PMS1: variants seen among roughly 807,000 people sequenced by gnomAD.
PMS1 encodes the protein PMS1 homolog 1, mismatch repair system component.
Under a neutral mutation model 93.1 loss-of-function variants are expected in PMS1, and 79 were observed. The observed-to-expected ratio is 0.85, with a 90% CI of 0.71 to 1.02. PMS1 has a LOEUF of 1.02. Among genes scored for constraint, PMS1 ranks in the 50% least tolerant of loss-of-function variants. PMS1 has a pLI of 0.00. For synonymous variants in PMS1, 335 were observed against 363.4 expected (o/e 0.92, Z 0.89); for missense variants, 1,064 against 1,085.3 (o/e 0.98, Z 0.28).
At chr2:189,806,393 AT>A in intron 4 of PMS1, 1 of 302,106 alleles carries the variant, frequency 3.3e-6, no homozygotes, top group Non-Finnish European at 6.4e-6. Flanking sequence ...TATGTTTTTT[AT>A]TTTATTTTAT....
chr2:189,829,435 T>C (rs1307690463), intron 5 of PMS1, among the ~76,000 whole-genome samples: 1 of 152,180 alleles, frequency 6.6e-6, no homozygotes, highest in African/African-American at 2.4e-5. Flanking sequence ...CTACTGCTTT[T>C]TAACTGTTTC....
intron 7 of PMS1, 106 bp downstream of exon 7, chr2:189,852,883 T>G (rs529134444): frequency 2.7e-6 from 2 of 749,608 alleles, no homozygotes; most frequent in African/African-American, 3.5e-5. Context: ...AGAAATACAA[T>G]GTCATTTATT....
chr2:189,796,676 C>T (rs1017016682), intron 3 of PMS1, among the ~76,000 whole-genome samples: 1 of 152,170 alleles, frequency 6.6e-6, no homozygotes, highest in East Asian at 1.9e-4. Context: ...AGGGTTCATC[C>T]ATGTTGTAAC....
intron 5 of PMS1, among the ~76,000 whole-genome samples, chr2:189,822,556 T>C (rs1477096718): frequency 2.0e-5 from 3 of 152,124 alleles, no homozygotes; most frequent in Non-Finnish European, 4.4e-5. Flanking sequence ...TATGTTACAG[T>C]TGTAGAAGAT....
At chr2:189,873,451 C>T (rs748201017) in intron 11 of PMS1, 45 bp from the exon 12 acceptor site, 1 of 1,375,342 alleles carries the variant, frequency 7.3e-7, no homozygotes, top group Non-Finnish European at 1.0e-6. Flanking sequence ...TGGACATGTT[C>T]TGGAATATGA....
intron 5 of PMS1, among the ~76,000 whole-genome samples, chr2:189,835,280 A>T (rs1304211265): frequency 6.6e-6 from 1 of 152,212 alleles, no homozygotes; most frequent in Non-Finnish European, 1.5e-5. Flanking sequence ...TTACCAAGAC[A>T]ATCATTTTTG....
At chr2:189,853,837 A>G (rs765514065) in intron 7 of PMS1, 102 bp from the exon 8 acceptor site, 1 of 716,666 alleles carries the variant, frequency 1.4e-6, no homozygotes, top group Non-Finnish European at 2.3e-6. Flanking sequence ...TTTTCCTAAT[A>G]AGCAGTTGCA....
intron 11 of PMS1, among the ~76,000 whole-genome samples, chr2:189,869,890 A>C (rs1023920048): frequency 1.1e-4 from 17 of 151,464 alleles, no homozygotes; most frequent in African/African-American, 3.9e-4. Flanking sequence ...CTTACCTGCC[A>C]CTCAATTCCA....
At position 189,867,788 on chromosome 2, in the gene PMS1, T is replaced by A; in HGVS notation, c.2343-11T>A. ...TTTTAATAAGTTAAAGGGCCATAAT[T>A]TCTTTTTCAGTCTTTTTAATGGATC... On this transcript the variant is annotated splice_polypyrimidine_tract_variant and intron_variant, in intron 10 of 12. Coordinates refer to ENST00000441310, the MANE Select transcript of PMS1 (RefSeq NM_000534.5). The A allele has an allele frequency of 1.3e-6, 2 of 1,559,758 alleles. No individual in the cohort carries two copies. The highest frequency in any genetic ancestry group is 1.8e-6 in the Non-Finnish European group (2 of 1,131,244).
chr2:189,786,218 G>T (rs1253807338), intron 1 of PMS1, among the ~76,000 whole-genome samples: 1 of 152,172 alleles, frequency 6.6e-6, no homozygotes, highest in African/African-American at 2.4e-5. Context: ...CAAAAATCCA[G>T]TTGTTAAGAA....
In PMS1 at chr2:189,857,476, G is replaced by A. The variant is rs574540359; in HGVS notation, c.1856+2348G>A. 53 of 469,146 alleles carry A rather than the reference G, an allele frequency of 1.1e-4. 1 individual carries two copies. The highest frequency in any genetic ancestry group is 7.6e-4 in the South Asian group (49 of 64,182). 29.1% of individuals were successfully genotyped at this position (469,146 alleles called of 1,614,324 possible). A position where few individuals can be genotyped will look rare whatever the true frequency, so the allele number is the denominator to read the frequency against. On this transcript the variant is annotated intron_variant, in intron 9 of 12. Coordinates refer to ENST00000441310, the MANE Select transcript of PMS1 (RefSeq NM_000534.5). ...TTTCTCTTCCTGTCTTTATCTTGGA[G>A]TTCTGTCCATGATCCTAAATTCTCT... is the stretch of plus-strand genomic sequence containing the variant.
At chr2:189,785,506 A>G (rs2048223189) in intron 1 of PMS1, 1 of 152,226 alleles carries the variant, frequency 6.6e-6, no homozygotes, top group South Asian at 2.1e-4. Context: ...TTTGGTACAC[A>G]TATGGTATAG....
In PMS1 at chr2:189,864,023, C is replaced by G; in HGVS notation, c.2137C>G (p.Gln713Glu). The G allele has an allele frequency of 6.2e-7, 1 of 1,608,948 alleles. No individual in the cohort carries two copies. Among genetic ancestry groups the G allele is most frequent in the African/African-American group, 1.3e-5 (1 of 74,752 alleles). The change falls in exon 10 of 13, where the codon CAA (glutamine) becomes GAA (glutamate). Residue 713 changes from glutamine (Q) to glutamate (E), a missense_variant. Coordinates refer to ENST00000441310, the MANE Select transcript of PMS1 (RefSeq NM_000534.5). The stretch of plus-strand genomic sequence containing the variant: ...AAACTTAAAAATAAATTTTAAGAAA[C>G]AAAACAAAGTTGACTTAGAAGAGAA... ...MKNLKINFKK[Q>E]NKVDLEEKDE...
chr2:189,827,627 G>C (rs2052553981), intron 5 of PMS1, among the ~76,000 whole-genome samples: 1 of 152,104 alleles, frequency 6.6e-6, no homozygotes, highest in Non-Finnish European at 1.5e-5. Context: ...AATATCATGT[G>C]TATCCACTGT....
chr2:189,867,787 T>G lies in PMS1; in HGVS notation c.2343-12T>G. 1 of 1,558,678 alleles carries G rather than the reference T, an allele frequency of 6.4e-7. No individual in the cohort carries two copies. The highest frequency in any genetic ancestry group is 8.8e-7 in the Non-Finnish European group (1 of 1,130,260). On this transcript the variant is annotated splice_polypyrimidine_tract_variant and intron_variant, in intron 10 of 12. Transcript: ENST00000441310. ...TTTTTAATAAGTTAAAGGGCCATAA[T>G]TTCTTTTTCAGTCTTTTTAATGGAT...
chr2:189,830,079 A>G (rs770327470), intron 5 of PMS1, among the ~76,000 whole-genome samples: 1 of 152,112 alleles, frequency 6.6e-6, no homozygotes, highest in East Asian at 1.9e-4. Flanking sequence ...TGGGGTCAGT[A>G]TATTTTTTTC....
At position 189,854,615 on chromosome 2, in the gene PMS1, A is replaced by C; in HGVS notation, c.1343A>C (p.Asn448Thr). The change falls in exon 9 of 13, where the codon AAC becomes ACC. Residue 448 changes from asparagine to threonine, a missense_variant. By Grantham distance (65) the Asn-to-Thr change is moderately conservative. Transcript: ENST00000441310. ...DISMSNVSWE[N>T]SQTEYSKTCF... The stretch of plus-strand genomic sequence containing the variant: ...TCAATGAGTAATGTATCATGGGAGA[A>C]CTCTCAGACGGAATATAGTAAAACT... 1 of 1,613,910 alleles carries C rather than the reference A, an allele frequency of 6.2e-7. No individual in the cohort carries two copies. Among genetic ancestry groups the C allele is most frequent in the Non-Finnish European group, 8.5e-7 (1 of 1,179,900 alleles).
intron 5 of PMS1, among the ~76,000 whole-genome samples, chr2:189,837,680 A>G (rs557158105): frequency 6.6e-6 from 1 of 152,318 alleles, no homozygotes; most frequent in Admixed American, 6.5e-5. Context: ...AGTTCCACTC[A>G]TAGATCTATA....
At chr2:189,864,438 A>G (rs1048019953) in intron 10 of PMS1, 5 of 485,332 alleles carry the variant, frequency 1.0e-5, no homozygotes, top group Non-Finnish European at 3.9e-6. Flanking sequence ...TGGGTGGATC[A>G]CGAGGTCAGG....
Sources: allele counts gnomAD v4.1 joint callset (sites outside exome capture counted in the v4.1 genomes callset), GRCh38; gene constraint gnomAD v4.1.1; transcripts MANE v1.5; gene names NCBI Gene and HGNC (gene_info 2026-07-23, HGNC 2026-07-21).